Variants in GPR155 observed in about 807,000 individuals in gnomAD.
GPR155 encodes G protein-coupled receptor 155.
GPR155 carries 65 observed loss-of-function variants against 93.1 expected under a neutral mutation model. That is an observed-to-expected ratio of 0.70 (90% CI 0.57 to 0.86). The LOEUF is 0.86. Among genes scored for constraint, GPR155 ranks in the 40% least tolerant of loss-of-function variants. GPR155 has a pLI of 0.00. For missense variants in GPR155, 838 were observed against 1,034.8 expected (o/e 0.81, Z 2.61); for synonymous variants, 319 against 360.1 (o/e 0.89, Z 1.29).
chr2:174,482,305 A>G (rs1688350000), intron 1 of GPR155, among the ~76,000 whole-genome samples: 1 of 152,202 alleles, frequency 6.6e-6, no homozygotes, highest in African/African-American at 2.4e-5. Flanking sequence ...AGCTGCAGTG[A>G]TGCCCTGTGG....
chr2:174,453,971 C>T, intron 10 of GPR155, 130 bp from the exon 11 acceptor site: 1 of 653,706 alleles, frequency 1.5e-6, no homozygotes, highest in Non-Finnish European at 2.8e-6. Context: ...ATAGTTTTCA[C>T]ATGGTATCTA....
intron 10 of GPR155, among the ~76,000 whole-genome samples, chr2:174,454,608 C>A (rs142077348): frequency 6.9e-6 from 1 of 145,898 alleles, no homozygotes. Flanking sequence ...GGAGCAGTCA[C>A]GCTCCAGCCT....
chr2:174,460,592 A>G (rs1574717793), intron 9 of GPR155, among the ~76,000 whole-genome samples: 1 of 152,196 alleles, frequency 6.6e-6, no homozygotes, highest in Admixed American at 6.5e-5. Context: ...GTTTGCTTGT[A>G]ATTACACAAG....
intron 11 of GPR155, 136 bp from the exon 12 acceptor site, chr2:174,446,883 T>A (rs1334146174): frequency 1.3e-6 from 1 of 788,916 alleles, no homozygotes; most frequent in Non-Finnish European, 2.0e-6. Context: ...TAGATGAAAT[T>A]GGAAGAAAGC....
intron 1 of GPR155, chr2:174,482,978 G>A (rs1265978800): frequency 1.3e-5 from 2 of 152,064 alleles, no homozygotes; most frequent in Non-Finnish European, 2.9e-5. Flanking sequence ...ACATGAGAGA[G>A]AGAAAAAAAT....
At chr2:174,446,405 A>G (rs1687131830) in intron 12 of GPR155, among the ~76,000 whole-genome samples, 1 of 151,826 alleles carries the variant, frequency 6.6e-6, no homozygotes, top group African/African-American at 2.4e-5. Flanking sequence ...AGAATAAGCT[A>G]TTGGAGCACT....
intron 2 of GPR155, among the ~76,000 whole-genome samples, chr2:174,481,250 C>A (rs963697809): frequency 6.6e-6 from 1 of 151,832 alleles, no homozygotes; most frequent in Admixed American, 6.6e-5. Flanking sequence ...TATGTGCTTA[C>A]CGGGAAGAAA....
chr2:174,453,463 A>G (rs1687386356), intron 11 of GPR155, among the ~76,000 whole-genome samples: 2 of 152,010 alleles, frequency 1.3e-5, no homozygotes, highest in African/African-American at 4.8e-5. Flanking sequence ...GATCGAGACC[A>G]TCCTGGCTAA....
In GPR155 at chr2:174,440,046, A is replaced by G. The variant is rs780085617; in HGVS notation, c.2175-11T>C. ...CATAGGAATTCAAGTCTGAAAATCA[A>G]ATTTATGGCCATTTTTAAGGACAGA... On this transcript the variant is annotated splice_polypyrimidine_tract_variant and intron_variant, in intron 14 of 15. Transcript: ENST00000392552. 2 of 1,603,168 alleles carry G rather than the reference A, an allele frequency of 1.2e-6. No individual in the cohort carries two copies. The highest frequency in any genetic ancestry group is 1.7e-5 in the Admixed American group (1 of 57,922).
intron 11 of GPR155, among the ~76,000 whole-genome samples, chr2:174,450,746 AACC>A (rs968052310): frequency 4.6e-5 from 7 of 152,330 alleles, no homozygotes; most frequent in African/African-American, 1.7e-4. Context: ...AGTGATTAAA[AACC>A]ACAATTCTAT....
chr2:174,462,866 A>G (rs918750730), intron 7 of GPR155, among the ~76,000 whole-genome samples: 1 of 152,246 alleles, frequency 6.6e-6, no homozygotes, highest in Non-Finnish European at 1.5e-5. Context: ...ACATAGTTAT[A>G]GGATCTTAGA....
chr2:174,460,168 T>C, intron 9 of GPR155, 80 bp from the exon 10 acceptor site: 2 of 1,080,674 alleles, frequency 1.9e-6, no homozygotes, highest in Non-Finnish European at 2.6e-6. Flanking sequence ...TTTTTTTTTT[T>C]TTTTTTTTTT....
In GPR155 at chr2:174,467,118, C is replaced by G. The variant is rs534829169; in HGVS notation, c.1183-491G>C. Reference sequence around the variant, plus strand: ...GTTGCAGTGAGCCAAGATTGCACCACTGCACTCTAGCCTGGGTGACAGAGC... The same window carrying G: ...GTTGCAGTGAGCCAAGATTGCACCAGTGCACTCTAGCCTGGGTGACAGAGC... On this transcript the variant is annotated intron_variant, in intron 5 of 15. Transcript: ENST00000392552. Among the ~76,000 whole-genome samples, 21 of 152,122 alleles carry G rather than the reference C, an allele frequency of 1.4e-4. No homozygotes were observed. The East Asian group carries it at 3.7e-3, about 27-fold the overall frequency.
chr2:174,477,513 G>A (rs866081025), intron 2 of GPR155, among the ~76,000 whole-genome samples: 5 of 152,236 alleles, frequency 3.3e-5, no homozygotes, highest in Admixed American at 6.5e-5. Context: ...AGTCTAGAGG[G>A]AACACACAGA....
Position 174,481,972 on chromosome 2 carries a change from A to G in GPR155, c.-16T>C, listed in dbSNP as rs768616576. ...TAGAATTCATTTTCTCTCACCCTCCAACTCCAACCAGATCTCTGGAAAGAA... is the reference window on the plus strand; with the variant it reads ...TAGAATTCATTTTCTCTCACCCTCCGACTCCAACCAGATCTCTGGAAAGAA... On this transcript the variant is annotated 5_prime_UTR_variant, in exon 2 of 16. Transcript: ENST00000392552. 2 of 1,525,098 alleles carry G rather than the reference A, an allele frequency of 1.3e-6. No homozygotes were observed. The highest frequency in any genetic ancestry group is 1.8e-6 in the Non-Finnish European group (2 of 1,106,234). 94.5% of individuals were successfully genotyped at this position (1,525,098 alleles called of 1,614,324 possible).
chr2:174,446,842 G>T, intron 11 of GPR155, 95 bp from the exon 12 acceptor site: 1 of 1,083,560 alleles, frequency 9.2e-7, no homozygotes, highest in Non-Finnish European at 1.4e-6. Context: ...CAACAGAAAA[G>T]CACATTCAGC....
In GPR155 at chr2:174,432,639, A is replaced by C. The variant is rs1378051602; in HGVS notation, c.*3477T>G. On this transcript the variant is annotated 3_prime_UTR_variant, in exon 16 of 16. Coordinates refer to ENST00000392552, the MANE Select transcript of GPR155 (RefSeq NM_152529.7). ...TCTTATTAAAAAAGGAAAGTTCCGC[A>C]GCAAGACAATTCAGCTTAAAAACAT... 6.6e-6 allele frequency: 1 copy of C among 152,228 alleles called. No individual in the cohort carries two copies. The highest frequency in any genetic ancestry group is 1.5e-5 in the Non-Finnish European group (1 of 68,048). 9.4% of individuals were successfully genotyped at this position (152,228 alleles called of 1,614,324 possible). A position where few individuals can be genotyped will look rare whatever the true frequency, so the allele number is the denominator to read the frequency against.
rs78857278 is a variant in GPR155 at position 174,470,587 on chromosome 2, A to T, written c.861-32T>A. 3.2e-3 allele frequency: 5,127 copies of T among 1,595,952 alleles called. 148 individuals are homozygous for T. The African/African-American group carries it at 0.06, about 19-fold the overall frequency. ...AAAAAAGAAAAACATCATTTACCTG[A>T]TATCAAAGCATGGTTGTCCCCAGTA... On this transcript the variant is annotated intron_variant, in intron 3 of 15. Transcript: ENST00000392552.
intron 10 of GPR155, among the ~76,000 whole-genome samples, chr2:174,455,163 C>T (rs1375516268): frequency 2.6e-5 from 4 of 151,710 alleles, no homozygotes; most frequent in South Asian, 2.1e-4. Flanking sequence ...GGCAACAGAG[C>T]GAGACTCCAT....
Sources: gnomAD v4.1 joint callset for allele counts (sites outside exome capture counted in the v4.1 genomes callset) on GRCh38, gnomAD v4.1.1 for gene constraint, MANE v1.5 for transcripts, NCBI Gene and HGNC (gene_info 2026-07-23, HGNC 2026-07-21) for gene names.